The following DCBLD1 variants were observed in gnomAD, a reference collection of about 807,000 sequenced individuals.
The protein encoded by DCBLD1 is discoidin, CUB and LCCL domain-containing protein 1.
In DCBLD1, 57 loss-of-function variants were observed where a neutral mutation model predicts 71.5. The observed-to-expected ratio is 0.80, with a 90% confidence interval of 0.64 to 0.99. DCBLD1 has a LOEUF of 0.99. DCBLD1 is among the 50% of genes least tolerant of loss of function. The pLI is 0.00. For synonymous variants in DCBLD1, 380 were observed against 363.8 expected, an observed-to-expected ratio of 1.04 and a Z score of -0.51; for missense variants, 891 against 923.5, an observed-to-expected ratio of 0.96 and a Z score of 0.46.
chr6:117,538,987 T>G, intron 8 of DCBLD1, 152 bp downstream of exon 8: 1 of 903,534 alleles, frequency 1.1e-6, no homozygotes, highest in East Asian at 2.7e-5. Flanking sequence ...CTTTACATTC[T>G]TTCTGTGAAA....
In DCBLD1 at chr6:117,519,669, G is replaced by A. The variant is rs750553067; in HGVS notation, c.326-147G>A. On this transcript the variant is annotated intron_variant, in intron 2 of 14. Transcript: ENST00000338728. ...TCAGTCAGAAATTATCAGTCTGAGC[G>A]TCAAGCTAAATTTCAGTTGGTAAAG... 97 of 1,088,142 alleles carry A rather than the reference G, an allele frequency of 8.9e-5. No individual in the cohort carries two copies. The East Asian group carries it at 1.6e-3, about 17-fold the overall frequency. The allele number at this position is 1,088,142 out of a possible 1,614,324, so 67.4% of individuals were successfully genotyped here. A position where few individuals can be genotyped will look rare whatever the true frequency, so the allele number is the denominator to read the frequency against.
chr6:117,566,661 G>A (rs1213784059), intron 14 of DCBLD1, among the ~76,000 whole-genome samples: 2 of 152,082 alleles, frequency 1.3e-5, no homozygotes, highest in Admixed American at 1.3e-4. Flanking sequence ...AACAGTCCAA[G>A]ATGAATATAG....
chr6:117,548,935 A>T lies in DCBLD1; in HGVS notation c.*496A>T. ...TCTGCTTAAACCTAGTCTTGTTGTTATTGAGTCATTTCCTCTCCTTTGATA... is the reference window on the plus strand; with the variant it reads ...TCTGCTTAAACCTAGTCTTGTTGTTTTTGAGTCATTTCCTCTCCTTTGATA... On this transcript the variant is annotated 3_prime_UTR_variant, in exon 15 of 15. Transcript: ENST00000338728. The T allele has an allele frequency of 2.0e-6, 2 of 989,200 alleles. No individual in the cohort carries two copies. The highest frequency in any genetic ancestry group is 2.4e-6 in the Non-Finnish European group (2 of 832,342). The allele number at this position is 989,200 out of a possible 1,614,324, so 61.3% of individuals were successfully genotyped here. A position where few individuals can be genotyped will look rare whatever the true frequency, so the allele number is the denominator to read the frequency against.
At chr6:117,483,104 C>T (rs1468692025) in intron 1 of DCBLD1, among the ~76,000 whole-genome samples, 1 of 152,062 alleles carries the variant, frequency 6.6e-6, no homozygotes, top group Non-Finnish European at 1.5e-5. Flanking sequence ...CATTCCTTGT[C>T]GCTCCCCCAC....
Position 117,521,554 on chromosome 6 carries a change from C to A in DCBLD1, c.490C>A (p.His164Asn). Residue 164 changes from histidine (H) to asparagine (N), a missense_variant, in exon 4 of 15, where the codon CAT (histidine) becomes AAT (asparagine). Transcript: ENST00000338728. ...DLITCLERAS[H>N]YLKTEYSKFC... ...AATAACATGTTTGGAACGAGCTAGC[C>A]ATTATTTGAAGACAGAATACAGGTA... 1 of 1,568,164 alleles carries A rather than the reference C, an allele frequency of 6.4e-7. No homozygotes were observed. Among genetic ancestry groups the A allele is most frequent in the Non-Finnish European group, 8.6e-7 (1 of 1,166,140 alleles).
At chr6:117,513,190 A>G (rs570110003) in intron 2 of DCBLD1, among the ~76,000 whole-genome samples, 3 of 152,306 alleles carry the variant, frequency 2.0e-5, no homozygotes, top group African/African-American at 7.2e-5. Flanking sequence ...CTTGTAGCAG[A>G]CAGTTTATTC....
intron 1 of DCBLD1, among the ~76,000 whole-genome samples, chr6:117,502,752 G>A (rs1441064898): frequency 6.6e-6 from 1 of 152,080 alleles, no homozygotes; most frequent in East Asian, 1.9e-4. Context: ...TCATTTATGT[G>A]AAGCTGTGCT....
At chr6:117,515,895 C>A (rs939267164) in intron 2 of DCBLD1, among the ~76,000 whole-genome samples, 6 of 152,080 alleles carry the variant, frequency 3.9e-5, no homozygotes, top group African/African-American at 7.2e-5. Context: ...CTGTCACCTG[C>A]CAGGTACTAT....
In DCBLD1 at chr6:117,540,899, G is replaced by A. The variant is rs768060665; in HGVS notation, c.1250-19G>A. 7 of 1,613,690 alleles carry A rather than the reference G, an allele frequency of 4.3e-6. No individual in the cohort carries two copies. Among genetic ancestry groups the A allele is most frequent in the South Asian group, 2.2e-5 (2 of 91,066 alleles). ...TCATTGTTACTCATGTGGTTTTCCC[G>A]ACATCCCTCCTCTCTCAGGTAATGA... On this transcript the variant is annotated intron_variant, in intron 10 of 14. Coordinates refer to ENST00000338728, the MANE Select transcript of DCBLD1 (RefSeq NM_001366458.2).
chr6:117,529,282 AT>A (rs1554266227), intron 5 of DCBLD1, among the ~76,000 whole-genome samples: 6 of 52,430 alleles, frequency 1.1e-4, no homozygotes, highest in Non-Finnish European at 2.5e-4. Context: ...AAAGCAAGAT[AT>A]TATACGGAGG....
Position 117,537,233 on chromosome 6 carries a change from T to A in DCBLD1, c.760+8T>A. 6.2e-7 allele frequency: 1 copy of A among 1,613,732 alleles called. No individual in the cohort carries two copies. Among genetic ancestry groups the A allele is most frequent in the Non-Finnish European group, 8.5e-7 (1 of 1,179,636 alleles). The stretch of plus-strand genomic sequence containing the variant: ...TTCTGTTTACCTCCAATGGTAAGGA[T>A]CATGCTTTCCTTAAGAATTTGATAT... On this transcript the variant is annotated splice_region_variant and intron_variant, in intron 7 of 14. Coordinates refer to ENST00000338728, the MANE Select transcript of DCBLD1 (RefSeq NM_001366458.2).
intron 1 of DCBLD1, among the ~76,000 whole-genome samples, chr6:117,497,192 CAA>C (rs937697327): frequency 6.6e-6 from 1 of 151,830 alleles, no homozygotes; most frequent in African/African-American, 2.4e-5. Flanking sequence ...GACTCCGTCT[CAA>C]AAAAAATTTA....
At chr6:117,505,695 G>A (rs79221619) in intron 2 of DCBLD1, among the ~76,000 whole-genome samples, 3,965 of 152,218 alleles carry the variant, frequency 0.026, 79 homozygotes, top group East Asian at 0.052. Context: ...GGTCAGGGGC[G>A]GTGGCTTATG....
At chr6:117,562,777 TAAGTC>T (rs1489235267) in intron 14 of DCBLD1, 4 of 209,396 alleles carry the variant, frequency 1.9e-5, no homozygotes, top group Non-Finnish European at 3.9e-5. Context: ...TTACAAAAAT[TAAGTC>T]AAGCCTATAT....
chr6:117,560,275 G>A (rs41291924), intron 14 of DCBLD1: 2,501 of 173,338 alleles, frequency 0.014, 31 homozygotes, highest in Middle Eastern at 0.056. Flanking sequence ...AATATTTAAC[G>A]TCAAGGAAAC....
intron 6 of DCBLD1, 105 bp downstream of exon 6, chr6:117,532,498 G>A (rs1190917600): frequency 2.9e-5 from 40 of 1,397,288 alleles, no homozygotes; most frequent in Non-Finnish European, 3.5e-5. Flanking sequence ...TGATAGCAAG[G>A]GTTTGTCAAC....
intron 2 of DCBLD1, among the ~76,000 whole-genome samples, chr6:117,518,268 T>C (rs1434466741): frequency 3.3e-5 from 5 of 152,212 alleles, no homozygotes; most frequent in Non-Finnish European, 1.5e-5. Context: ...TTTGCTCCAG[T>C]TCCCAACCAG....
chr6:117,536,031 G>A (rs550730683), intron 6 of DCBLD1, among the ~76,000 whole-genome samples: 1 of 152,268 alleles, frequency 6.6e-6, no homozygotes, highest in East Asian at 1.9e-4. Context: ...GCCAAGCATA[G>A]ACAATGTGAA....
chr6:117,523,953 G>A (rs1778464455), intron 4 of DCBLD1, among the ~76,000 whole-genome samples: 1 of 152,086 alleles, frequency 6.6e-6, no homozygotes. Context: ...CTTCCTTTTT[G>A]TGTGTTTTTT....
Sources: gnomAD v4.1 joint callset for allele counts (sites outside exome capture counted in the v4.1 genomes callset) on GRCh38, gnomAD v4.1.1 for gene constraint, MANE v1.5 for transcripts, NCBI Gene and HGNC (gene_info 2026-07-23, HGNC 2026-07-21) for gene names.